Variants in LRP2 observed in about 807,000 individuals in gnomAD.
LRP2 encodes the protein LDL receptor related protein 2.
A neutral mutation model predicts 531.0 loss-of-function variants in LRP2; 172 were observed. The ratio of observed to expected loss-of-function variants is 0.32; its 90% CI spans 0.29 to 0.37. The LOEUF is 0.37. Among genes scored for constraint, LRP2 ranks in the 10% least tolerant of loss-of-function variants. The probability of loss-of-function intolerance (pLI) is 1.00; values close to 1 mark genes in which losing one functional copy is unlikely to be tolerated. For synonymous variants in LRP2, 1,992 were observed against 2,027.6 expected, an observed-to-expected ratio of 0.98 and a Z score of 0.47; for missense variants, 5,167 against 5,868.3, an observed-to-expected ratio of 0.88 and a Z score of 3.90.
At chr2:169,347,621 T>G (rs1238290739) in intron 1 of LRP2, among the ~76,000 whole-genome samples, 1 of 149,348 alleles carries the variant, frequency 6.7e-6, no homozygotes, top group Non-Finnish European at 1.5e-5. Context: ...GATAATGAAA[T>G]AGTAATATAG....
At chr2:169,357,942 G>T (rs1686036819) in intron 1 of LRP2, among the ~76,000 whole-genome samples, 1 of 152,108 alleles carries the variant, frequency 6.6e-6, no homozygotes, top group Admixed American at 6.5e-5. Context: ...CGCTTTGATG[G>T]CTCAAGAATT....
intron 1 of LRP2, among the ~76,000 whole-genome samples, chr2:169,341,228 AG>A (rs1236864817): frequency 6.6e-6 from 1 of 152,198 alleles, no homozygotes; most frequent in African/African-American, 2.4e-5. Flanking sequence ...GGCATGTCCA[AG>A]AAAAAGTCAC....
intron 1 of LRP2, among the ~76,000 whole-genome samples, chr2:169,328,414 C>A (rs1685174586): frequency 8.6e-6 from 1 of 116,278 alleles, no homozygotes; most frequent in Non-Finnish European, 1.6e-5. Flanking sequence ...GAGGTGTACC[C>A]AACAGCTCAT....
intron 1 of LRP2, among the ~76,000 whole-genome samples, chr2:169,323,517 T>A (rs952912831): frequency 6.6e-6 from 1 of 152,172 alleles, no homozygotes; most frequent in Non-Finnish European, 1.5e-5. Flanking sequence ...CTTCAATTAG[T>A]CTATATGCAA....
chr2:169,361,350 G>GTCTCTCTCTGTCTCTCTCTGTC (rs1559092778), intron 1 of LRP2, among the ~76,000 whole-genome samples: 1 of 21,966 alleles, frequency 4.6e-5, no homozygotes, highest in East Asian at 8.1e-4. Flanking sequence ...GTCTCTCTCT[G>GTCTCTCTCTGTCTCTCTCTGTC]TCTCTCTCTC....
chr2:169,127,185 G>T lies in LRP2; in HGVS notation c.*1478C>A, dbSNP rs1685127983. The T allele has an allele frequency of 6.6e-6, 1 of 152,582 alleles. No homozygotes were observed. Among genetic ancestry groups the T allele is most frequent in the Non-Finnish European group, 1.5e-5 (1 of 68,026 alleles). The allele number at this position is 152,582 out of a possible 1,614,324, so 9.5% of individuals were successfully genotyped here. ...TGTTTATCTAATCAAAGTAATTACA[G>T]TCAGCACTCAAAATATCAGCAACAA... On this transcript the variant is annotated 3_prime_UTR_variant, in exon 79 of 79. Coordinates refer to ENST00000649046, the MANE Select transcript of LRP2 (RefSeq NM_004525.3).
At position 169,157,587 on chromosome 2, in the gene LRP2, AC is replaced by A. The variant is rs1175812242; in HGVS notation, c.11888-86del. 4 of 1,485,106 alleles carry A rather than the reference AC, an allele frequency of 2.7e-6. No individual in the cohort carries two copies. In the East Asian group the frequency reaches 9.1e-5, roughly 34 times the overall value. 92.0% of individuals were successfully genotyped at this position (1,485,106 alleles called of 1,614,324 possible). A position where few individuals can be genotyped will look rare whatever the true frequency, so the allele number is the denominator to read the frequency against. ...GTATCAAAAGAAGCACCTACTCGTAACCAACTATAGGACATCTTGAGATAAC... is the reference window on the plus strand; with the variant it reads ...GTATCAAAAGAAGCACCTACTCGTAACAACTATAGGACATCTTGAGATAAC... On this transcript the variant is annotated intron_variant, in intron 63 of 78. Transcript: ENST00000649046.
intron 1 of LRP2, among the ~76,000 whole-genome samples, chr2:169,338,121 A>G (rs1021835798): frequency 2.0e-5 from 3 of 151,340 alleles, no homozygotes; most frequent in African/African-American, 7.3e-5. Context: ...AAAGAAAGAG[A>G]AAAAGAAATG....
intron 44 of LRP2, among the ~76,000 whole-genome samples, chr2:169,201,304 G>C (rs1181994074): frequency 6.6e-6 from 1 of 152,170 alleles, no homozygotes; most frequent in Non-Finnish European, 1.5e-5. Context: ...GACAAAATTT[G>C]AACATGGACT....
intron 50 of LRP2, among the ~76,000 whole-genome samples, chr2:169,184,105 C>T (rs1282728672): frequency 2.0e-5 from 3 of 151,876 alleles, no homozygotes; most frequent in Non-Finnish European, 2.9e-5. Flanking sequence ...CCAAGAGAAA[C>T]GTCATTCTAG....
rs115350461 is a variant in LRP2 at position 169,320,794 on chromosome 2, G to C, written c.170C>G (p.Ala57Gly). Residue 57 changes from alanine to glycine, a missense_variant, in exon 2 of 79, where the codon GCG (alanine) becomes GGG (glycine). This residue lies in a region of LRP2 where 2,811 missense variants were observed against 3,058.0 expected (regional missense o/e 0.92). Transcript: ENST00000649046. ...TCACTTACCGCAGCCAATTTCATCCGCGTCATCTGAACAGTCTTTGGTCCC... is the reference window on the plus strand; with the variant it reads ...TCACTTACCGCAGCCAATTTCATCCCCGTCATCTGAACAGTCTTTGGTCCC... ...CDGTKDCSDD[A>G]DEIGCAVVTC... 12 of 1,614,008 alleles carry C rather than the reference G, an allele frequency of 7.4e-6. No individual in the cohort carries two copies. Among genetic ancestry groups the C allele is most frequent in the Non-Finnish European group, 1.0e-5 (12 of 1,179,944 alleles).
chr2:169,138,920 A>C (rs1406643101), intron 74 of LRP2, among the ~76,000 whole-genome samples: 2 of 152,178 alleles, frequency 1.3e-5, no homozygotes, highest in Non-Finnish European at 2.9e-5. Flanking sequence ...GAACCATGAG[A>C]TCTAAAAGAA....
At chr2:169,237,418 T>C (rs1689646189) in intron 27 of LRP2, 131 bp from the exon 28 acceptor site, 1 of 718,270 alleles carries the variant, frequency 1.4e-6, no homozygotes, top group Non-Finnish European at 2.4e-6. Context: ...GAAAATTTTG[T>C]CTCCTCATGT....
intron 52 of LRP2, among the ~76,000 whole-genome samples, chr2:169,179,015 T>TTATTTATG (rs1292410132): frequency 2.0e-5 from 3 of 151,434 alleles, no homozygotes; most frequent in African/African-American, 7.3e-5. Flanking sequence ...ATTTATTTAT[T>TTATTTATG]TATTTATTTA....
At chr2:169,261,777 C>A (rs1024457545) in intron 16 of LRP2, among the ~76,000 whole-genome samples, 1 of 152,078 alleles carries the variant, frequency 6.6e-6, no homozygotes, top group African/African-American at 2.4e-5. Context: ...CAAAGCCAGG[C>A]AGAGACACAA....
At chr2:169,228,424 A>T (rs557240481) in intron 31 of LRP2, among the ~76,000 whole-genome samples, 1 of 152,250 alleles carries the variant, frequency 6.6e-6, no homozygotes, top group African/African-American at 2.4e-5. Context: ...CTGGCTCAGT[A>T]GAAACTATCT....
At chr2:169,347,988 A>T (rs1372572356) in intron 1 of LRP2, among the ~76,000 whole-genome samples, 1 of 152,216 alleles carries the variant, frequency 6.6e-6, no homozygotes, top group South Asian at 2.1e-4. Flanking sequence ...CTTGCTCCAA[A>T]TTATCCATGG....
intron 1 of LRP2, among the ~76,000 whole-genome samples, chr2:169,334,905 C>T (rs1685363392): frequency 6.6e-6 from 1 of 152,146 alleles, no homozygotes; most frequent in South Asian, 2.1e-4. Context: ...AGGGTGGTTC[C>T]TTCCAGGGCA....
chr2:169,359,628 G>C (rs1364914285), intron 1 of LRP2, among the ~76,000 whole-genome samples: 4 of 152,166 alleles, frequency 2.6e-5, no homozygotes, highest in African/African-American at 9.7e-5. Flanking sequence ...CAGAGGAAAT[G>C]CGTCTTAAAA....
Sources: allele counts gnomAD v4.1 joint callset (sites outside exome capture counted in the v4.1 genomes callset), GRCh38; gene constraint gnomAD v4.1.1; regional missense constraint gnomAD v4.1.1; transcripts MANE v1.5; gene names NCBI Gene and HGNC (gene_info 2026-07-23, HGNC 2026-07-21).